RECQL5: variants seen among roughly 807,000 people sequenced by gnomAD.
The protein encoded by RECQL5 is RecQ like helicase 5.
Under a neutral mutation model 103.4 loss-of-function variants are expected in RECQL5, and 88 were observed. That is an observed-to-expected ratio of 0.85 (90% CI 0.72 to 1.02). The LOEUF is 1.02. RECQL5 is among the 50% of genes least tolerant of loss of function. The pLI is 0.00. For missense variants in RECQL5, 1,232 were observed against 1,284.3 expected, an observed-to-expected ratio of 0.96 and a Z score of 0.62; for synonymous variants, 552 against 507.9, an observed-to-expected ratio of 1.09 and a Z score of -1.17.
At chr17:75,635,545 C>G (rs1315904739) in intron 8 of RECQL5, among the ~76,000 whole-genome samples, 1 of 152,226 alleles carries the variant, frequency 6.6e-6, no homozygotes, top group Non-Finnish European at 1.5e-5. Context: ...GCCAGGGGTT[C>G]AAGCACCACT....
chr17:75,629,986 C>G, intron 14 of RECQL5, 144 bp from the exon 15 acceptor site: 1 of 1,181,894 alleles, frequency 8.5e-7, no homozygotes, highest in Admixed American at 2.9e-5. Context: ...AAGTTTTAGG[C>G]CTCCCATCCT....
At chr17:75,633,721 G>A in intron 8 of RECQL5, 2 of 1,118,048 alleles carry the variant, frequency 1.8e-6, no homozygotes, top group Non-Finnish European at 2.2e-6. Flanking sequence ...GGCAGGGTGG[G>A]TGCCCCAGAC....
Position 75,640,445 on chromosome 17 carries a change from A to G in RECQL5, c.1230-8777T>C. On this transcript the variant is annotated intron_variant, in intron 8 of 19. Coordinates refer to ENST00000317905, the MANE Select transcript of RECQL5 (RefSeq NM_004259.7). This position sits in a 1 kb window ranked among gnomAD's most constrained non-coding sequence, Gnocchi z 4.6. ...GGTGTCTGCCGGATCAAGGAGGAAA[A>G]CCAGTTGTCCCTTGGGGGAAGCCAA... The G allele has an allele frequency of 7.1e-7, 1 of 1,414,758 alleles. No individual in the cohort carries two copies. Among genetic ancestry groups the G allele is most frequent in the East Asian group, 2.5e-5 (1 of 39,270 alleles). 87.6% of individuals were successfully genotyped at this position (1,414,758 alleles called of 1,614,324 possible).
intron 8 of RECQL5, among the ~76,000 whole-genome samples, chr17:75,642,061 C>T (rs2059441724): frequency 6.6e-6 from 1 of 152,184 alleles, no homozygotes; most frequent in African/African-American, 2.4e-5. Flanking sequence ...AACATGGGAC[C>T]AACCAGGGCA....
chr17:75,659,772 C>T (rs1247920906), intron 6 of RECQL5, among the ~76,000 whole-genome samples: 3 of 152,228 alleles, frequency 2.0e-5, no homozygotes, highest in Admixed American at 2.0e-4. Flanking sequence ...TGTATGCAAA[C>T]ATGCTCCGTA....
intron 8 of RECQL5, chr17:75,633,955 T>G (rs537680984): frequency 3.0e-6 from 3 of 985,426 alleles, no homozygotes; most frequent in East Asian, 1.1e-4. Context: ...CACCGGGACA[T>G]GAAGTTGGAG....
intron 14 of RECQL5, 139 bp downstream of exon 14, chr17:75,630,045 C>T (rs1422824002): frequency 1.1e-5 from 10 of 907,414 alleles, no homozygotes; most frequent in African/African-American, 1.7e-5. Flanking sequence ...TGGAGCTCTA[C>T]CCCCATAAAC....
At chr17:75,646,796 C>G (rs2059493816) in intron 8 of RECQL5, 1 of 152,938 alleles carries the variant, frequency 6.5e-6, no homozygotes, top group South Asian at 2.1e-4. Flanking sequence ...GGTAATGGCT[C>G]CCTCCTTCTC....
At chr17:75,653,994 G>A (rs1029842966) in intron 7 of RECQL5, among the ~76,000 whole-genome samples, 3 of 151,826 alleles carry the variant, frequency 2.0e-5, no homozygotes, top group African/African-American at 4.8e-5. Context: ...GCTTTGGGCA[G>A]GTAACTCATC....
At position 75,629,489 on chromosome 17, in the gene RECQL5, CAGG is replaced by C. The variant is rs2059165699; in HGVS notation, c.1948-17_1948-15del. 11 of 1,500,528 alleles carry C rather than the reference CAGG, an allele frequency of 7.3e-6. No individual in the cohort carries two copies. The highest frequency in any genetic ancestry group is 4.2e-5 in the South Asian group (3 of 71,132). 93.0% of individuals were successfully genotyped at this position (1,500,528 alleles called of 1,614,324 possible). On this transcript the variant is annotated splice_polypyrimidine_tract_variant and intron_variant, in intron 15 of 19. Transcript: ENST00000317905. ...CTTGGGTTTGAGCTGTAAATGTGAGCAGGAGGAGAGGAGGTTCAGCCCACTAGG... is the reference window on the plus strand; with the variant it reads ...CTTGGGTTTGAGCTGTAAATGTGAGCAGGAGAGGAGGTTCAGCCCACTAGG...
At chr17:75,650,804 T>C (rs1462379826) in intron 8 of RECQL5, 3 of 1,543,014 alleles carry the variant, frequency 1.9e-6, no homozygotes, top group African/African-American at 1.4e-5. Flanking sequence ...GTGTGGGTCC[T>C]GGATAAGGGT....
chr17:75,628,224 A>G lies in RECQL5; in HGVS notation c.2799T>C (p.Ala933=). 1 of 1,613,990 alleles carries G rather than the reference A, an allele frequency of 6.2e-7. No individual in the cohort carries two copies. The stretch of plus-strand genomic sequence containing the variant: ...GCCCACTCACTCCCCCTACCTTGGA[A>G]GCAAACTTGCCCTCCTTGTAGAAAG... ...LTPFYKEGKF[A]SKELFKGFAR... The change falls in exon 18 of 20, where the codon GCT becomes GCC. Residue 933 remains alanine (A), a synonymous_variant. Transcript: ENST00000317905.
In RECQL5 at chr17:75,626,854, T is replaced by G. The variant is rs1017900008; in HGVS notation, c.*568A>C. 2.5e-6 allele frequency: 1 copy of G among 400,760 alleles called. No individual in the cohort carries two copies. Among genetic ancestry groups the G allele is most frequent in the African/African-American group, 2.0e-5 (1 of 49,052 alleles). 24.8% of individuals were successfully genotyped at this position (400,760 alleles called of 1,614,324 possible). On this transcript the variant is annotated 3_prime_UTR_variant, in exon 20 of 20. Transcript: ENST00000317905. ...AATAAAACTCCCTGGAGAAAAGGGC[T>G]GTGTGCACGCCTGCATGCCCCACAA... is the stretch of plus-strand genomic sequence containing the variant.
chr17:75,661,362 T>TA (rs2059696837), intron 5 of RECQL5, among the ~76,000 whole-genome samples: 2 of 152,200 alleles, frequency 1.3e-5, no homozygotes, highest in Admixed American at 1.3e-4. Flanking sequence ...CCTTGGCTTG[T>TA]AAAAACGTAT....
rs1256997329 is a variant in RECQL5, at chr17:75,640,734, G to A, written c.1230-9066C>T. 1.3e-6 allele frequency: 2 copies of A among 1,527,680 alleles called. No homozygotes were observed. The highest frequency in any genetic ancestry group is 5.0e-5 in the East Asian group (2 of 40,312). The allele number at this position is 1,527,680 out of a possible 1,614,324, so 94.6% of individuals were successfully genotyped here. On this transcript the variant is annotated intron_variant, in intron 8 of 19. Coordinates refer to ENST00000317905, the MANE Select transcript of RECQL5 (RefSeq NM_004259.7). The surrounding 1 kb of genome is among the most constrained non-coding windows in gnomAD (Gnocchi z 4.6). ...AGGCAGTGGGTTTCTCTGGGAGGAG[G>A]GTGGGCATCCTTTCTCTCCCCCAAC...
Position 75,651,201 on chromosome 17 carries a change from A to T in RECQL5, c.1214T>A (p.Phe405Tyr). The change falls in exon 8 of 20, where the codon TTC (phenylalanine) becomes TAC (tyrosine). Residue 405 changes from phenylalanine (F) to tyrosine (Y), a missense_variant. Coordinates refer to ENST00000317905, the MANE Select transcript of RECQL5 (RefSeq NM_004259.7). ...AGTCACTTACCCCAGTTCTTCACAGAAGGTCACCAGGGCATCAAAGGCCAT... is the reference window on the plus strand; with the variant it reads ...AGTCACTTACCCCAGTTCTTCACAGTAGGTCACCAGGGCATCAAAGGCCAT... ...TIMAFDALVTFCEELGCRHAA... is the reference protein window; with the variant it reads ...TIMAFDALVTYCEELGCRHAA... 6.2e-7 allele frequency: 1 copy of T among 1,614,214 alleles called. No individual in the cohort carries two copies. The highest frequency in any genetic ancestry group is 8.5e-7 in the Non-Finnish European group (1 of 1,180,036).
chr17:75,666,491 C>G lies in RECQL5; in HGVS notation c.67G>C (p.Val23Leu). Residue 23 changes from valine to leucine, a missense_variant, in exon 2 of 20, where the codon GTC (valine) becomes CTC (leucine). Val to Leu is a conservative substitution (Grantham distance 32, BLOSUM62 1). Transcript: ENST00000317905. ...GTCTTAAAAGAGTCAAACCCAAAGACCTTCTTCAGCGTACTCCGGACTCGC... is the reference window on the plus strand; with the variant it reads ...GTCTTAAAAGAGTCAAACCCAAAGAGCTTCTTCAGCGTACTCCGGACTCGC... ...ERRVRSTLKKVFGFDSFKTPL... is the reference protein window; with the variant it reads ...ERRVRSTLKKLFGFDSFKTPL... The G allele has an allele frequency of 6.2e-7, 1 of 1,614,136 alleles. No individual in the cohort carries two copies. The highest frequency in any genetic ancestry group is 8.5e-7 in the Non-Finnish European group (1 of 1,180,032).
intron 13 of RECQL5, 135 bp from the exon 14 acceptor site, chr17:75,630,412 G>T: frequency 1.1e-6 from 1 of 917,674 alleles, no homozygotes; most frequent in Non-Finnish European, 1.7e-6. Flanking sequence ...TGAGCACCCT[G>T]TGGCTTACTG....
intron 7 of RECQL5, among the ~76,000 whole-genome samples, chr17:75,657,512 T>C (rs558785547): frequency 6.7e-6 from 1 of 150,344 alleles, no homozygotes; most frequent in Non-Finnish European, 1.5e-5. Flanking sequence ...AGTTTGGGAG[T>C]TTGAGGCAGG....
Sources: allele counts gnomAD v4.1 joint callset (sites outside exome capture counted in the v4.1 genomes callset), GRCh38; gene constraint gnomAD v4.1.1; non-coding constraint Gnocchi (gnomAD v3.1); transcripts MANE v1.5; gene names NCBI Gene and HGNC (gene_info 2026-07-23, HGNC 2026-07-21).